FSTL4: variants seen among roughly 807,000 people sequenced by gnomAD.
FSTL4 encodes the protein follistatin-related protein 4.
A neutral mutation model predicts 78.2 loss-of-function variants in FSTL4; 28 were observed. That is an observed-to-expected ratio of 0.36 (90% CI 0.27 to 0.49). FSTL4 has a LOEUF of 0.49. Among genes scored for constraint, FSTL4 ranks in the 20% least tolerant of loss-of-function variants. The pLI, the probability that FSTL4 is intolerant of heterozygous loss-of-function variation, is 0.98. For missense variants in FSTL4, 922 were observed against 1,084.9 expected, an observed-to-expected ratio of 0.85 and a Z score of 2.11; for synonymous variants, 422 against 440.5, an observed-to-expected ratio of 0.96 and a Z score of 0.53.
the FSTL4 span, among the ~76,000 whole-genome samples, chr5:133,811,234 C>T: frequency 2.0e-5 from 3 of 152,182 alleles, no homozygotes; most frequent in South Asian, 6.2e-4. Flanking sequence ...CCCTAGACCT[C>T]TTCATAATCC....
At chr5:133,776,232 A>G in the FSTL4 span, among the ~76,000 whole-genome samples, 16 of 152,190 alleles carry the variant, frequency 1.1e-4, no homozygotes, top group Non-Finnish European at 2.4e-4. Flanking sequence ...TAGTTTGTCA[A>G]TGGGAGGTAC....
chr5:133,384,661 G>GC (rs1438901962), intron 4 of FSTL4, among the ~76,000 whole-genome samples: 1 of 152,146 alleles, frequency 6.6e-6, no homozygotes, highest in Non-Finnish European at 1.5e-5. Context: ...CTCCTGCTGG[G>GC]CCCCTGCCTC....
chr5:133,322,263 CCACACCCA>C (rs1196714966), intron 4 of FSTL4, among the ~76,000 whole-genome samples: 4 of 53,352 alleles, frequency 7.5e-5, no homozygotes, highest in East Asian at 3.4e-4. Flanking sequence ...CCACACCCAC[CCACACCCA>C]CACACCCACA....
intron 4 of FSTL4, among the ~76,000 whole-genome samples, chr5:133,382,955 A>G (rs13164933): frequency 0.091 from 13,830 of 152,082 alleles, 825 homozygotes; most frequent in South Asian, 0.13. Context: ...GGGGGGTGGG[A>G]GAAGGAGGAA....
intron 6 of FSTL4, among the ~76,000 whole-genome samples, chr5:133,265,319 C>T (rs929215545): frequency 1.3e-5 from 2 of 152,238 alleles, no homozygotes; most frequent in Non-Finnish European, 2.9e-5. Context: ...CGCTGGCCAC[C>T]AGGGAGGGCA....
At chr5:133,391,183 G>T (rs1755839482) in intron 4 of FSTL4, among the ~76,000 whole-genome samples, 1 of 152,306 alleles carries the variant, frequency 6.6e-6, no homozygotes, top group African/African-American at 2.4e-5. Flanking sequence ...TAGACAAACT[G>T]CTTGAGCACA....
chr5:133,785,448 A>T, the FSTL4 span, among the ~76,000 whole-genome samples: 2 of 152,166 alleles, frequency 1.3e-5, no homozygotes, highest in Non-Finnish European at 2.9e-5. Flanking sequence ...TGCCCAGCTC[A>T]ATACTCAGCT....
chr5:133,748,908 T>A, the FSTL4 span, among the ~76,000 whole-genome samples: 2 of 152,032 alleles, frequency 1.3e-5, no homozygotes, highest in African/African-American at 2.4e-5. Flanking sequence ...CTCATAACAG[T>A]CAGGGCCAGA....
chr5:133,791,278 GCACA>G, the FSTL4 span, among the ~76,000 whole-genome samples: 3,770 of 148,792 alleles, frequency 0.025, 109 homozygotes, highest in African/African-American at 0.075. Context: ...ACATGTGCGT[GCACA>G]CACACACACA....
intron 7 of FSTL4, among the ~76,000 whole-genome samples, chr5:133,240,211 C>T (rs763745116): frequency 7.2e-5 from 11 of 152,186 alleles, no homozygotes; most frequent in Non-Finnish European, 1.2e-4. Flanking sequence ...TCTGGACACG[C>T]TGCCTTTAAG....
chr5:133,277,122 G>A (rs1311779699), intron 6 of FSTL4, among the ~76,000 whole-genome samples: 1 of 152,178 alleles, frequency 6.6e-6, no homozygotes, highest in African/African-American at 2.4e-5. Context: ...AATCAGCCTG[G>A]CCAACATGGT....
chr5:133,464,211 T>C (rs538065723), intron 3 of FSTL4, among the ~76,000 whole-genome samples: 15 of 152,204 alleles, frequency 9.9e-5, no homozygotes, highest in Non-Finnish European at 1.8e-4. Flanking sequence ...AGCCCAGCCC[T>C]GCCTTTGCTC....
chr5:133,327,170 C>T (rs577528076), intron 4 of FSTL4, among the ~76,000 whole-genome samples: 2 of 152,226 alleles, frequency 1.3e-5, no homozygotes, highest in Admixed American at 1.3e-4. Flanking sequence ...AACGAAGAAC[C>T]TGTTTACTCT....
At chr5:133,737,087 T>A in the FSTL4 span, among the ~76,000 whole-genome samples, 1 of 152,154 alleles carries the variant, frequency 6.6e-6, no homozygotes, top group Non-Finnish European at 1.5e-5. Context: ...TCCAATTATG[T>A]TCTTTAAATT....
chr5:133,267,120 G>A (rs1752662697), intron 6 of FSTL4, among the ~76,000 whole-genome samples: 2 of 152,222 alleles, frequency 1.3e-5, no homozygotes, highest in Admixed American at 1.3e-4. Flanking sequence ...AGGAACGGTA[G>A]TAGGAAAAAC....
intron 6 of FSTL4, among the ~76,000 whole-genome samples, chr5:133,265,528 G>A (rs1005924499): frequency 6.6e-6 from 1 of 152,236 alleles, no homozygotes; most frequent in Admixed American, 6.5e-5. Flanking sequence ...GGCCTCTGGG[G>A]CAGGGGTGGG....
At position 133,225,700 on chromosome 5, in the gene FSTL4, C is replaced by T. The variant is rs376207233; in HGVS notation, c.1135G>A (p.Val379Met). The T allele has an allele frequency of 4.0e-5, 65 of 1,611,230 alleles. No individual in the cohort carries two copies. Among genetic ancestry groups the T allele is most frequent in the African/African-American group, 3.9e-4 (29 of 74,814 alleles). Reference protein sequence around the residue: ...MPRITWLKNGVDVSTQMSKQL... With the variant: ...MPRITWLKNGMDVSTQMSKQL... ...TTGGACATCTGAGTTGAGACATCCA[C>T]GCCGTTTTTCAGCCAAGTGATTCTG... Residue 379 changes from valine (V) to methionine (M), a missense_variant, in exon 9 of 16, where the codon GTG becomes ATG. Transcript: ENST00000265342. This position sits in a 1 kb window ranked among gnomAD's most constrained non-coding sequence, Gnocchi z 4.6.
intron 3 of FSTL4, among the ~76,000 whole-genome samples, chr5:133,560,813 G>A (rs1482861018): frequency 6.6e-6 from 1 of 151,838 alleles, no homozygotes; most frequent in African/African-American, 2.4e-5. Context: ...TCGGCCAGGA[G>A]TGGTGGCTCA....
chr5:133,676,828 GTA>G, the FSTL4 span, among the ~76,000 whole-genome samples: 4 of 152,150 alleles, frequency 2.6e-5, no homozygotes, highest in African/African-American at 9.7e-5. Flanking sequence ...GGGAAAAAAT[GTA>G]TATTTCTTTA....
Sources: allele counts gnomAD v4.1 joint callset (sites outside exome capture counted in the v4.1 genomes callset), GRCh38; gene constraint gnomAD v4.1.1; non-coding constraint Gnocchi (gnomAD v3.1); transcripts MANE v1.5; gene names NCBI Gene and HGNC (gene_info 2026-07-23, HGNC 2026-07-21).